The following P2RX6 variants were observed in gnomAD, a reference collection of about 807,000 sequenced individuals.
The protein encoded by P2RX6 is P2X purinoceptor 6.
In P2RX6, 62 loss-of-function variants were observed where a neutral mutation model predicts 54.2. That is an observed-to-expected ratio of 1.14 (90% CI 0.93 to 1.41). P2RX6 has a LOEUF of 1.41. Among genes scored for constraint, P2RX6 ranks in the 40% most tolerant of loss-of-function variants. The pLI is 0.00. For synonymous variants in P2RX6, 211 were observed against 231.9 expected (o/e 0.91, Z 0.82); for missense variants, 541 against 566.3 (o/e 0.96, Z 0.45).
In P2RX6 at chr22:21,023,504, T is replaced by C; in HGVS notation, c.781-5T>C. The C allele has an allele frequency of 6.2e-6, 10 of 1,613,720 alleles. No homozygotes were observed. Among genetic ancestry groups the C allele is most frequent in the Non-Finnish European group, 8.5e-6 (10 of 1,179,720 alleles). The stretch of plus-strand genomic sequence containing the variant: ...ACCGGTGGAAAAGCTATGTGCTATG[T>C]GCAGGGTGGCTCTGTAGGCATCAGA... On this transcript the variant is annotated splice_polypyrimidine_tract_variant and splice_region_variant and intron_variant, in intron 7 of 11. Coordinates refer to ENST00000413302, the MANE Select transcript of P2RX6 (RefSeq NM_005446.5).
At chr22:21,025,261 C>T (rs1928219597) in intron 8 of P2RX6, among the ~76,000 whole-genome samples, 1 of 152,148 alleles carries the variant, frequency 6.6e-6, no homozygotes, top group Admixed American at 6.5e-5. Flanking sequence ...CACCGAGCGT[C>T]ACCTCGTCAT....
chr22:21,016,559 A>G (rs1249402167), intron 2 of P2RX6, among the ~76,000 whole-genome samples: 1 of 145,816 alleles, frequency 6.9e-6, no homozygotes, highest in Admixed American at 6.9e-5. Context: ...ACTGCACTCC[A>G]GCCTGGGTGG....
At chr22:21,020,282 G>A (rs924786308) in intron 3 of P2RX6, among the ~76,000 whole-genome samples, 3 of 152,180 alleles carry the variant, frequency 2.0e-5, no homozygotes, top group African/African-American at 7.2e-5. Context: ...GGGCTGGGTC[G>A]TAATTATCAG....
At chr22:21,018,138 C>A in intron 3 of P2RX6, 78 bp downstream of exon 3, 1 of 927,136 alleles carries the variant, frequency 1.1e-6, no homozygotes, top group South Asian at 1.4e-5. Context: ...TTTCCCTTTC[C>A]CCTTCCCAGG....
At position 21,018,011 on chromosome 22, in the gene P2RX6, T is replaced by G; in HGVS notation, c.338T>G (p.Val113Gly). Residue 113 changes from valine (V) to glycine (G), a missense_variant, in exon 3 of 12, where the codon GTG (valine) becomes GGG (glycine). Val to Gly is a moderately radical substitution (Grantham distance 109, BLOSUM62 -3). Transcript: ENST00000413302. ...PPQGENVFFL[V>G]TNFLVTPAQV... Reference sequence around the variant, plus strand: ...TAGGGAGAGAACGTGTTCTTCTTGGTGACCAACTTCCTTGTGACGCCAGCC... The same window carrying G: ...TAGGGAGAGAACGTGTTCTTCTTGGGGACCAACTTCCTTGTGACGCCAGCC... 6.2e-7 allele frequency: 1 copy of G among 1,613,140 alleles called. No homozygotes were observed. Among genetic ancestry groups the G allele is most frequent in the Non-Finnish European group, 8.5e-7 (1 of 1,179,318 alleles).
intron 1 of P2RX6, among the ~76,000 whole-genome samples, chr22:21,015,639 C>A (rs961964466): frequency 7.9e-5 from 12 of 151,966 alleles, no homozygotes; most frequent in Admixed American, 7.2e-4. Context: ...CCCAGAGAGA[C>A]CACCAGCTGT....
upstream of P2RX6, chr22:21,014,145 G>A (rs1216614320): frequency 6.4e-6 from 1 of 156,502 alleles, no homozygotes; most frequent in Non-Finnish European, 1.4e-5. Context: ...ACCCCTGCAA[G>A]ACGTCCACAG....
At chr22:21,015,813 A>G in intron 1 of P2RX6, 129 bp from the exon 2 acceptor site, 1 of 883,128 alleles carries the variant, frequency 1.1e-6, no homozygotes, top group Non-Finnish European at 1.7e-6. Context: ...GCCAGAGAGG[A>G]GGTGGGGCCT....
chr22:21,025,576 T>C (rs2148086864), intron 8 of P2RX6, among the ~76,000 whole-genome samples: 1 of 152,300 alleles, frequency 6.6e-6, no homozygotes, highest in East Asian at 1.9e-4. Flanking sequence ...TGGGTCTGTT[T>C]AGGGACTCCT....
At position 21,023,725 on chromosome 22, in the gene P2RX6, G is replaced by A. The variant is rs952004434; in HGVS notation, c.890+107G>A. ...CCCAGGCCTCTAGATATTCCACTACGTGTGCAAGGGGGTCCCAGGAGCAGG... is the reference window on the plus strand; with the variant it reads ...CCCAGGCCTCTAGATATTCCACTACATGTGCAAGGGGGTCCCAGGAGCAGG... On this transcript the variant is annotated intron_variant, in intron 8 of 11. Coordinates refer to ENST00000413302, the MANE Select transcript of P2RX6 (RefSeq NM_005446.5). The A allele has an allele frequency of 4.1e-5, 31 of 760,136 alleles. 2 individuals carry two copies. The highest frequency in any genetic ancestry group is 2.1e-4 in the African/African-American group (12 of 57,282). The allele number at this position is 760,136 out of a possible 1,614,324, so 47.1% of individuals were successfully genotyped here.
At chr22:21,022,464 C>A (rs78113683) in intron 3 of P2RX6, among the ~76,000 whole-genome samples, 2 of 152,086 alleles carry the variant, frequency 1.3e-5, no homozygotes, top group Non-Finnish European at 2.9e-5. Context: ...GGCATTGCTC[C>A]GCTCCCTCCT....
chr22:21,011,653 C>T (rs893857782), upstream of P2RX6: 13 of 695,708 alleles, frequency 1.9e-5, no homozygotes, highest in African/African-American at 1.4e-4. Context: ...CCCCTCCCCC[C>T]TCTTCTGCCA....
At chr22:21,024,051 G>A (rs1241226883) in intron 8 of P2RX6, among the ~76,000 whole-genome samples, 5 of 151,354 alleles carry the variant, frequency 3.3e-5, no homozygotes, top group Admixed American at 3.3e-4. Context: ...TGCTTCCTGG[G>A]TTCAACCGAT....
chr22:21,017,940 T>G (rs1926707565), intron 2 of P2RX6, 49 bp from the exon 3 acceptor site: 1 of 1,246,272 alleles, frequency 8.0e-7, no homozygotes, highest in African/African-American at 1.5e-5. Flanking sequence ...TTCCGGCCTT[T>G]CCAGTCAACA....
In P2RX6 at chr22:21,026,586, C is replaced by A. The variant is rs199498246; in HGVS notation, c.1295C>A (p.Thr432Asn). Residue 432 changes from threonine (T) to asparagine (N), a missense_variant, in exon 12 of 12, where the codon ACC (threonine) becomes AAC (asparagine). Thr to Asn is a moderately conservative substitution (Grantham distance 65). Transcript: ENST00000413302. The surrounding 1 kb of genome is among the most constrained non-coding windows in gnomAD (Gnocchi z 4.0). ...TPGWPCPSSD[T>N]HLPTHSGSL is the part of the protein sequence containing the mutation. Reference sequence around the variant, plus strand: ...GGATGGCCCTGTCCAAGTTCTGACACCCACTTGCCAACCCATTCCGGGAGC... The same window carrying A: ...GGATGGCCCTGTCCAAGTTCTGACAACCACTTGCCAACCCATTCCGGGAGC... 1.9e-6 allele frequency: 3 copies of A among 1,589,802 alleles called. No homozygotes were observed. Among genetic ancestry groups the A allele is most frequent in the Non-Finnish European group, 2.6e-6 (3 of 1,169,152 alleles).
intron 8 of P2RX6, among the ~76,000 whole-genome samples, chr22:21,024,511 C>T (rs1601775936): frequency 6.6e-6 from 1 of 151,974 alleles, no homozygotes; most frequent in Admixed American, 6.5e-5. Flanking sequence ...CTCTTGACCT[C>T]GTGATCCACC....
At chr22:21,015,837 G>C in intron 1 of P2RX6, 105 bp from the exon 2 acceptor site, 2 of 1,215,402 alleles carry the variant, frequency 1.6e-6, no homozygotes, top group Non-Finnish European at 2.3e-6. Flanking sequence ...ATGTTGGGCC[G>C]GGAGCCTGTA....
upstream of P2RX6, chr22:21,011,532 G>A (rs1925736176): frequency 1.4e-6 from 1 of 714,454 alleles, no homozygotes; most frequent in Admixed American, 2.0e-5. Flanking sequence ...TCACTGTGAG[G>A]GCGGCACAGA....
At chr22:21,022,175 C>T (rs1185254787) in intron 3 of P2RX6, among the ~76,000 whole-genome samples, 1 of 152,034 alleles carries the variant, frequency 6.6e-6, no homozygotes, top group Non-Finnish European at 1.5e-5. Flanking sequence ...AAAAACCAGC[C>T]TGGTCAACAT....
Sources: gnomAD v4.1 joint callset for allele counts (sites outside exome capture counted in the v4.1 genomes callset) on GRCh38, gnomAD v4.1.1 for gene constraint, Gnocchi (gnomAD v3.1) non-coding constraint, MANE v1.5 for transcripts, NCBI Gene and HGNC (gene_info 2026-07-23, HGNC 2026-07-21) for gene names.